Variants in NTRK1 observed in about 807,000 individuals in gnomAD.
NTRK1 encodes high affinity nerve growth factor receptor.
Under a neutral mutation model 86.8 loss-of-function variants are expected in NTRK1, and 62 were observed. The observed-to-expected ratio is 0.71, with a 90% confidence interval of 0.58 to 0.88. The LOEUF (loss-of-function observed/expected upper bound fraction) is 0.88, where lower values mean the gene tolerates loss of function less well. Ranked by LOEUF, NTRK1 falls within the 40% of genes least tolerant of loss-of-function variation. NTRK1 has a pLI of 0.00. For missense variants in NTRK1, 967 were observed against 1,078.4 expected, an observed-to-expected ratio of 0.90 and a Z score of 1.45; for synonymous variants, 469 against 456.6, an observed-to-expected ratio of 1.03 and a Z score of -0.35.
At chr1:156,842,386 C>T in intron 2 of NTRK1, 1 of 1,613,672 alleles carries the variant, frequency 6.2e-7, no homozygotes, top group Middle Eastern at 1.6e-4. Context: ...CCAGGGTCTT[C>T]CTGGTCCCTA....
At chr1:156,843,114 C>T in intron 2 of NTRK1, 1 of 1,614,168 alleles carries the variant, frequency 6.2e-7, no homozygotes, top group Non-Finnish European at 8.5e-7. Context: ...GGTGTGGACT[C>T]CTCTCCAGCC....
intron 1 of NTRK1, among the ~76,000 whole-genome samples, chr1:156,829,663 T>C (rs1654415108): frequency 6.6e-6 from 1 of 151,978 alleles, no homozygotes; most frequent in South Asian, 2.1e-4. Flanking sequence ...TCTTTTTTCT[T>C]TTTTTTTGAG....
Position 156,867,915 on chromosome 1 carries a change from C to T in NTRK1, c.429-189C>T, listed in dbSNP as rs57172000. Among the ~76,000 whole-genome samples, 832 of 152,250 alleles carry T rather than the reference C, an allele frequency of 5.5e-3. 6 individuals carry two copies. Among genetic ancestry groups the T allele is most frequent in the African/African-American group, 0.019 (794 of 41,558 alleles). On this transcript the variant is annotated intron_variant, in intron 4 of 16. Transcript: ENST00000524377. ...GTCTCGATCTTCTGACCTTGTGATC[C>T]GCCCGCCTCGGCCTCCCAATGGCCT...
intron 1 of NTRK1, among the ~76,000 whole-genome samples, chr1:156,834,969 G>A (rs1654561230): frequency 6.6e-6 from 1 of 152,154 alleles, no homozygotes; most frequent in African/African-American, 2.4e-5. Flanking sequence ...AAGGAGACAC[G>A]TCTAGGTGAT....
rs2102917900 is a variant in NTRK1 at position 156,876,211 on chromosome 1, G to A, written c.1632+1G>A. 1 of 1,613,926 alleles carries A rather than the reference G, an allele frequency of 6.2e-7. No homozygotes were observed. The highest frequency in any genetic ancestry group is 1.1e-5 in the South Asian group (1 of 91,072). ...GGACAAGATGCTGGTGGCTGTCAAG[G>A]TGAGACCCTGCCCCGGGGGGTACTG... is the stretch of plus-strand genomic sequence containing the variant. On this transcript the variant is annotated splice_donor_variant, in intron 13 of 16. Coordinates refer to ENST00000524377, the MANE Select transcript of NTRK1 (RefSeq NM_002529.4). LOFTEE classifies it high-confidence loss of function.
chr1:156,875,716 T>TGTGG (rs1218513392), intron 12 of NTRK1, 50 bp downstream of exon 12: 3 of 1,585,560 alleles, frequency 1.9e-6, no homozygotes, highest in Non-Finnish European at 2.6e-6. Flanking sequence ...TGTGTGTGTG[T>TGTGG]GTGTGTGTGT....
intron 1 of NTRK1, among the ~76,000 whole-genome samples, chr1:156,839,381 C>A (rs1048623397): frequency 2.0e-5 from 3 of 152,248 alleles, no homozygotes; most frequent in African/African-American, 2.4e-5. Flanking sequence ...GAGTTCTGAG[C>A]CTTGGGCAGC....
At chr1:156,862,337 G>A (rs1257909799) in intron 1 of NTRK1, among the ~76,000 whole-genome samples, 1 of 152,158 alleles carries the variant, frequency 6.6e-6, no homozygotes, top group Non-Finnish European at 1.5e-5. Context: ...CTGCATGATG[G>A]GAGGGGGCAT....
In NTRK1 at chr1:156,873,658, G is replaced by C. The variant is rs749993335; in HGVS notation, c.876G>C (p.Thr292=). ...VSFPASVQLH[T]AVEMHHWCIP... is the part of the protein sequence containing the mutation. Reference sequence around the variant, plus strand: ...TCCCGGCCAGTGTGCAGCTGCACACGGCGGTGGAGATGCACCACTGGTGCA... The same window carrying C: ...TCCCGGCCAGTGTGCAGCTGCACACCGCGGTGGAGATGCACCACTGGTGCA... Residue 292 remains threonine (T), a synonymous_variant, in exon 8 of 17, where the codon ACG becomes ACC. Transcript: ENST00000524377. 1 of 1,610,386 alleles carries C rather than the reference G, an allele frequency of 6.2e-7. No homozygotes were observed. Among genetic ancestry groups the C allele is most frequent in the South Asian group, 1.1e-5 (1 of 90,898 alleles).
intron 2 of NTRK1, chr1:156,844,720 CG>C (rs1558085386): frequency 1.2e-6 from 2 of 1,614,102 alleles, no homozygotes; most frequent in Admixed American, 1.7e-5. Flanking sequence ...TCCCAAGCGG[CG>C]GTACTTGATT....
intron 2 of NTRK1, among the ~76,000 whole-genome samples, chr1:156,852,991 C>T (rs1336840112): frequency 1.3e-5 from 2 of 152,150 alleles, no homozygotes; most frequent in Non-Finnish European, 2.9e-5. Context: ...AGATCTGCTC[C>T]CCACCTCTGA....
intron 16 of NTRK1, 29 bp from the exon 17 acceptor site, chr1:156,881,428 T>G (rs905159915): frequency 6.5e-6 from 10 of 1,550,196 alleles, no homozygotes; most frequent in Non-Finnish European, 8.7e-6. Flanking sequence ...CCTAGTGGGC[T>G]TTCTCCTCTG....
chr1:156,862,044 A>G (rs1277631014), intron 1 of NTRK1, among the ~76,000 whole-genome samples: 2 of 152,240 alleles, frequency 1.3e-5, no homozygotes, highest in Non-Finnish European at 2.9e-5. Flanking sequence ...ATGGCCAGCA[A>G]GACATCTAGA....
chr1:156,865,863 A>G (rs1655906688), intron 3 of NTRK1, among the ~76,000 whole-genome samples: 1 of 152,310 alleles, frequency 6.6e-6, no homozygotes, highest in East Asian at 1.9e-4. Flanking sequence ...GGGTCCTCTA[A>G]ACTCTGCTGT....
intron 1 of NTRK1, chr1:156,816,828 C>T: frequency 2.2e-6 from 2 of 926,972 alleles, no homozygotes; most frequent in South Asian, 4.2e-5. Flanking sequence ...GAAATGTCGC[C>T]TTACCCACAG....
intron 5 of NTRK1, 85 bp from the exon 6 acceptor site, chr1:156,868,420 G>C: frequency 1.3e-6 from 2 of 1,542,702 alleles, no homozygotes; most frequent in East Asian, 2.4e-5. Context: ...TGAGGAGGGT[G>C]GGGGAAGGAG....
intron 2 of NTRK1, among the ~76,000 whole-genome samples, chr1:156,855,370 AT>A (rs1298475780): frequency 3.9e-5 from 6 of 151,996 alleles, no homozygotes; most frequent in Non-Finnish European, 7.4e-5. Flanking sequence ...TACCCAGCTA[AT>A]TTTTTGCATT....
chr1:156,868,026 G>A, intron 4 of NTRK1, 78 bp from the exon 5 acceptor site: 4 of 1,545,466 alleles, frequency 2.6e-6, no homozygotes, highest in Non-Finnish European at 3.6e-6. Flanking sequence ...CCTCCCTGCT[G>A]CCTAACTGCT....
upstream of NTRK1, among the ~76,000 whole-genome samples, chr1:156,856,282 C>G (rs1392803127): frequency 1.3e-5 from 2 of 152,176 alleles, no homozygotes; most frequent in Non-Finnish European, 2.9e-5. Context: ...AGTTGGCACT[C>G]AATAAATATT....
Sources: allele counts gnomAD v4.1 joint callset (sites outside exome capture counted in the v4.1 genomes callset), GRCh38; gene constraint gnomAD v4.1.1; transcripts MANE v1.5; gene names NCBI Gene and HGNC (gene_info 2026-07-23, HGNC 2026-07-21).